HECW1: variants seen among roughly 807,000 people sequenced by gnomAD.
HECW1 encodes E3 ubiquitin-protein ligase HECW1.
A neutral mutation model predicts 182.3 loss-of-function variants in HECW1; 61 were observed. The observed-to-expected ratio is 0.33, with a 90% CI of 0.27 to 0.41. The LOEUF (loss-of-function observed/expected upper bound fraction) is 0.41. HECW1 is among the 10% of genes least tolerant of loss of function. The pLI, the probability that HECW1 is intolerant of heterozygous loss-of-function variation, is 1.00. For synonymous variants in HECW1, 859 were observed against 832.6 expected, an observed-to-expected ratio of 1.03 and a Z score of -0.55; for missense variants, 1,739 against 2,108.9, an observed-to-expected ratio of 0.82 and a Z score of 3.44.
At chr7:43,541,083 C>T (rs561143939) in intron 24 of HECW1, 80 bp from the exon 25 acceptor site, 2 of 1,102,214 alleles carry the variant, frequency 1.8e-6, no homozygotes, top group African/African-American at 1.5e-5. Context: ...TGCTCAAACA[C>T]ATCAAATAAA....
At chr7:43,494,854 G>A (rs2079057291) in intron 19 of HECW1, among the ~76,000 whole-genome samples, 1 of 152,098 alleles carries the variant, frequency 6.6e-6, no homozygotes, top group Non-Finnish European at 1.5e-5. Context: ...TGGTCTCAAA[G>A]TCTGGCCCTA....
intron 13 of HECW1, 29 bp from the exon 14 acceptor site, chr7:43,463,631 C>T: frequency 6.2e-7 from 1 of 1,604,066 alleles, no homozygotes; most frequent in Non-Finnish European, 8.5e-7. Flanking sequence ...CCAAAGTTAA[C>T]TCCTGTCTTT....
intron 24 of HECW1, among the ~76,000 whole-genome samples, chr7:43,521,382 G>A (rs962514991): frequency 1.3e-5 from 2 of 152,184 alleles, no homozygotes; most frequent in Non-Finnish European, 2.9e-5. Flanking sequence ...TCACTCTGTT[G>A]AGAATCACTG....
chr7:43,463,670 A>T lies in HECW1; in HGVS notation c.2662A>T (p.Ile888Phe). Residue 888 changes from isoleucine (I) to phenylalanine (F), a missense_variant, in exon 14 of 30, where the codon ATT (isoleucine) becomes TTT (phenylalanine). Physicochemically the swap from Ile to Phe is conservative, Grantham distance 21. This residue lies in a region of HECW1 where 971 missense variants were observed against 1,029.1 expected (regional missense o/e 0.94). Transcript: ENST00000395891. ...MEQLNRRYQN[I>F]QRTIATERSE... ...TTTTCTAATGCAAAGGTATCAAAACATTCAGCGAACCATTGCAACAGAGAG... is the reference window on the plus strand; with the variant it reads ...TTTTCTAATGCAAAGGTATCAAAACTTTCAGCGAACCATTGCAACAGAGAG... 1 of 1,613,878 alleles carries T rather than the reference A, an allele frequency of 6.2e-7. No individual in the cohort carries two copies. Among genetic ancestry groups the T allele is most frequent in the Non-Finnish European group, 8.5e-7 (1 of 1,179,868 alleles).
chr7:43,121,913 A>T (rs1285539345), intron 2 of HECW1: 2 of 152,210 alleles, frequency 1.3e-5, no homozygotes, highest in Non-Finnish European at 2.9e-5. Flanking sequence ...TCTTTCTCCG[A>T]ATGTGAAATG....
intron 6 of HECW1, among the ~76,000 whole-genome samples, chr7:43,392,886 C>T (rs1381669806): frequency 6.6e-6 from 1 of 152,176 alleles, no homozygotes; most frequent in Non-Finnish European, 1.5e-5. Context: ...GATCTTCACA[C>T]TCTTTTGCTG....
chr7:43,216,856 T>G (rs534884926), intron 2 of HECW1, among the ~76,000 whole-genome samples: 39 of 152,218 alleles, frequency 2.6e-4, no homozygotes, highest in African/African-American at 9.4e-4. Flanking sequence ...GGTTTCACCA[T>G]GTTGCCCAGG....
intron 6 of HECW1, among the ~76,000 whole-genome samples, chr7:43,373,215 T>C (rs1286179068): frequency 1.3e-5 from 2 of 149,818 alleles, no homozygotes; most frequent in Non-Finnish European, 3.0e-5. Flanking sequence ...TTTTTTTTTT[T>C]TTTTTTCTTT....
intron 29 of HECW1, among the ~76,000 whole-genome samples, chr7:43,556,205 G>A (rs2082012660): frequency 6.6e-6 from 1 of 152,172 alleles, no homozygotes; most frequent in Admixed American, 6.5e-5. Flanking sequence ...GGCATTTAGG[G>A]GAGGATTGGG....
At chr7:43,211,784 ACAT>A (rs1796031331) in intron 2 of HECW1, among the ~76,000 whole-genome samples, 1 of 152,156 alleles carries the variant, frequency 6.6e-6, no homozygotes, top group Non-Finnish European at 1.5e-5. Flanking sequence ...ATAAATCAAG[ACAT>A]CATAAACCCT....
At chr7:43,213,439 ATTTTTTT>A (rs35199868) in intron 2 of HECW1, among the ~76,000 whole-genome samples, 56 of 92,482 alleles carry the variant, frequency 6.1e-4, no homozygotes, top group African/African-American at 2.2e-3. Flanking sequence ...GATCATAAGA[ATTTTTTT>A]TTTTTTTTTT....
At chr7:43,402,735 T>C (rs905120980) in intron 7 of HECW1, among the ~76,000 whole-genome samples, 3 of 152,242 alleles carry the variant, frequency 2.0e-5, no homozygotes. Flanking sequence ...AATTGCCTTC[T>C]TAGAAAGCTC....
At chr7:43,159,399 G>T (rs1790267178) in intron 2 of HECW1, among the ~76,000 whole-genome samples, 1 of 127,604 alleles carries the variant, frequency 7.8e-6, no homozygotes. Context: ...TGATCTCATT[G>T]GAATCTGACA....
intron 8 of HECW1, among the ~76,000 whole-genome samples, chr7:43,410,246 C>G (rs534248864): frequency 1.3e-5 from 2 of 152,158 alleles, no homozygotes; most frequent in South Asian, 2.1e-4. Context: ...CTGGGAAGTC[C>G]GAGCCCAGGA....
At chr7:43,361,066 G>A (rs1169342300) in intron 6 of HECW1, 86 bp downstream of exon 6, 4 of 604,928 alleles carry the variant, frequency 6.6e-6, no homozygotes, top group Admixed American at 6.2e-5. Context: ...GCGTGTGTGT[G>A]TGTGTGTGTG....
At position 43,306,464 on chromosome 7, in the gene HECW1, A is replaced by T. The variant is rs1041476283; in HGVS notation, c.28-5299A>T. Among the ~76,000 whole-genome samples the T allele has an allele frequency of 3.3e-5, 5 of 152,134 alleles. No individual in the cohort carries two copies. The East Asian group carries it at 9.7e-4, about 29-fold the overall frequency. On this transcript the variant is annotated intron_variant, in intron 3 of 29. Transcript: ENST00000395891. The stretch of plus-strand genomic sequence containing the variant: ...AGCAAAAGCTGCAGGCATCTTCTTG[A>T]TCAAAGTAAAATCTGCTCATGGACT...
At chr7:43,127,563 TCTTG>T (rs1309580748) in intron 2 of HECW1, among the ~76,000 whole-genome samples, 2 of 148,916 alleles carry the variant, frequency 1.3e-5, no homozygotes, top group Non-Finnish European at 3.0e-5. Flanking sequence ...CAAACAGCCT[TCTTG>T]CTGATATAAA....
At chr7:43,365,688 G>A (rs1298246064) in intron 6 of HECW1, among the ~76,000 whole-genome samples, 1 of 152,192 alleles carries the variant, frequency 6.6e-6, no homozygotes, top group Non-Finnish European at 1.5e-5. Flanking sequence ...GAAGTTGGAA[G>A]TAAACATAGG....
intron 24 of HECW1, chr7:43,509,698 G>A (rs1236422645): frequency 1.3e-5 from 2 of 152,382 alleles, no homozygotes; most frequent in East Asian, 3.8e-4. Context: ...TGGTGCAGAT[G>A]TGGGTATTAG....
Sources: allele counts gnomAD v4.1 joint callset (sites outside exome capture counted in the v4.1 genomes callset), GRCh38; gene constraint gnomAD v4.1.1; regional missense constraint gnomAD v4.1.1; transcripts MANE v1.5; gene names NCBI Gene and HGNC (gene_info 2026-07-23, HGNC 2026-07-21).